The following CCDC125 variants were observed in gnomAD, a reference collection of about 807,000 sequenced individuals.
The protein encoded by CCDC125 is coiled-coil domain containing 125, also known as coiled-coil domain-containing protein 125.
Under a neutral mutation model 57.4 loss-of-function variants are expected in CCDC125, and 43 were observed. That is an observed-to-expected ratio of 0.75 (90% CI 0.59 to 0.97). CCDC125 has a LOEUF of 0.97. CCDC125 is among the 50% of genes least tolerant of loss of function. The pLI, the probability that CCDC125 is intolerant of heterozygous loss-of-function variation, is 0.00. For synonymous variants in CCDC125, 187 were observed against 195.2 expected, an observed-to-expected ratio of 0.96 and a Z score of 0.35; for missense variants, 563 against 595.7, an observed-to-expected ratio of 0.95 and a Z score of 0.57.
the CCDC125 span, among the ~76,000 whole-genome samples, chr5:69,274,011 T>C: frequency 6.6e-6 from 1 of 152,196 alleles, no homozygotes; most frequent in Non-Finnish European, 1.5e-5. Context: ...TATTTTTATG[T>C]CCATGTGTAC....
At chr5:69,317,111 T>G (rs1429596701) in intron 2 of CCDC125, among the ~76,000 whole-genome samples, 6 of 152,012 alleles carry the variant, frequency 3.9e-5, no homozygotes, top group Admixed American at 3.3e-4. Flanking sequence ...CAGGTTCAAG[T>G]GATTCTCCTG....
At chr5:69,278,865 A>ATT (rs35764556), downstream of CCDC125, among the ~76,000 whole-genome samples, 112 of 139,194 alleles carry the variant, frequency 8.0e-4, no homozygotes, top group South Asian at 9.3e-4. Flanking sequence ...TGCCTGGTTA[A>ATT]TTTTTTTTTT....
In CCDC125 at chr5:69,283,054, A is replaced by T. The variant is rs770477713; in HGVS notation, c.1231-20T>A. 1.2e-5 allele frequency: 19 copies of T among 1,553,288 alleles called. No homozygotes were observed. The highest frequency in any genetic ancestry group is 1.6e-5 in the Non-Finnish European group (19 of 1,153,784). On this transcript the variant is annotated intron_variant, in intron 11 of 11. Coordinates refer to ENST00000396496, the MANE Select transcript of CCDC125 (RefSeq NM_176816.5). ...ATTAAGCTGCATGCACAGAAATTAA[A>T]CATGTACAAGTTAGTCAATAAATCA...
At chr5:69,279,082 C>CA (rs985790683), downstream of CCDC125, among the ~76,000 whole-genome samples, 4 of 151,766 alleles carry the variant, frequency 2.6e-5, no homozygotes, top group Non-Finnish European at 5.9e-5. Context: ...GGCCATATAT[C>CA]TGGCTCAGCT....
At chr5:69,273,734 T>C in the CCDC125 span, among the ~76,000 whole-genome samples, 1 of 152,220 alleles carries the variant, frequency 6.6e-6, no homozygotes, top group Non-Finnish European at 1.5e-5. Flanking sequence ...CAGGTCTTTA[T>C]GGAAACATAT....
At chr5:69,297,310 G>C (rs1755517339) in intron 8 of CCDC125, among the ~76,000 whole-genome samples, 1 of 151,728 alleles carries the variant, frequency 6.6e-6, no homozygotes, top group Non-Finnish European at 1.5e-5. Flanking sequence ...CAAAGCGCTG[G>C]GATTATAGAT....
At chr5:69,275,888 G>T (rs1752079419), downstream of CCDC125, among the ~76,000 whole-genome samples, 1 of 151,994 alleles carries the variant, frequency 6.6e-6, no homozygotes, top group South Asian at 2.1e-4. Flanking sequence ...TTTAATCTTG[G>T]CTTCCATCCC....
Position 69,320,531 on chromosome 5 carries a change from C to A in CCDC125, c.10G>T (p.Val4Leu). 6.2e-7 allele frequency: 1 copy of A among 1,607,148 alleles called. No homozygotes were observed. Among genetic ancestry groups the A allele is most frequent in the Non-Finnish European group, 8.5e-7 (1 of 1,176,528 alleles). Residue 4 changes from valine to leucine, a missense_variant, in exon 2 of 12, where the codon GTG becomes TTG. Coordinates refer to ENST00000396496, the MANE Select transcript of CCDC125 (RefSeq NM_176816.5). ...TCTGACTCACTTGATGATCTTGCCA[C>A]CTTGCTCATGAGCCAAATGCCGTCT... MSK[V>L]ARSSSESDVQ...
At chr5:69,287,337 C>A (rs967120003) in intron 10 of CCDC125, among the ~76,000 whole-genome samples, 1 of 150,258 alleles carries the variant, frequency 6.7e-6, no homozygotes, top group African/African-American at 2.5e-5. Context: ...AATCTTGGCT[C>A]ACCACAACCT....
intron 11 of CCDC125, 71 bp from the exon 12 acceptor site, chr5:69,283,105 T>G: frequency 8.1e-7 from 1 of 1,234,478 alleles, no homozygotes; most frequent in Non-Finnish European, 1.1e-6. Context: ...GAAAGGAGTA[T>G]TGTACTATTT....
chr5:69,308,310 C>T (rs781243574), intron 4 of CCDC125: 65 of 417,596 alleles, frequency 1.6e-4, no homozygotes, highest in East Asian at 7.0e-4. Context: ...CCATCTGATA[C>T]GGTTTGGCTC....
chr5:69,294,865 G>A lies in CCDC125; in HGVS notation c.852C>T (p.Pro284=), dbSNP rs1283886810. Reference sequence around the variant, plus strand: ...TGGCACAAGAACAGGGGTTCCCTCCGGGCCCATGACAAAGGCAGGCTCCGA... The same window carrying A: ...TGGCACAAGAACAGGGGTTCCCTCCAGGCCCATGACAAAGGCAGGCTCCGA... The part of the protein sequence containing the change: ...AVLGACLCHG[P]GGNPCSCARM... The change falls in exon 9 of 12, where the codon CCC becomes CCT. Residue 284 remains proline (P), a synonymous_variant. Coordinates refer to ENST00000396496, the MANE Select transcript of CCDC125 (RefSeq NM_176816.5). 10 of 1,614,038 alleles carry A rather than the reference G, an allele frequency of 6.2e-6. No homozygotes were observed. The highest frequency in any genetic ancestry group is 4.5e-5 in the East Asian group (2 of 44,880).
chr5:69,278,028 A>G (rs941724695), downstream of CCDC125, among the ~76,000 whole-genome samples: 26 of 151,906 alleles, frequency 1.7e-4, no homozygotes, highest in Non-Finnish European at 3.8e-4. Context: ...ATGGGCACGC[A>G]CCACTACACC....
intron 1 of CCDC125, among the ~76,000 whole-genome samples, chr5:69,321,986 G>A (rs1178562404): frequency 6.6e-6 from 1 of 151,882 alleles, no homozygotes; most frequent in Non-Finnish European, 1.5e-5. Context: ...ACAACCATGC[G>A]CCACCATGCC....
At chr5:69,319,026 C>T (rs1759597954) in intron 2 of CCDC125, among the ~76,000 whole-genome samples, 1 of 151,706 alleles carries the variant, frequency 6.6e-6, no homozygotes, top group African/African-American at 2.4e-5. Flanking sequence ...CTCCCGGGTT[C>T]AAGCAATTCT....
At position 69,281,747 on chromosome 5, in the gene CCDC125, C is replaced by G. The variant is rs1179966967; in HGVS notation, c.*982G>C. On this transcript the variant is annotated 3_prime_UTR_variant, in exon 12 of 12. Coordinates refer to ENST00000396496, the MANE Select transcript of CCDC125 (RefSeq NM_176816.5). Reference sequence around the variant, plus strand: ...ATTCAGTCAGTCCTAGGTATTGTTACTTTTTAGAGCATTAAGATACATTGC... The same window carrying G: ...ATTCAGTCAGTCCTAGGTATTGTTAGTTTTTAGAGCATTAAGATACATTGC... 5 of 152,126 alleles carry G rather than the reference C, an allele frequency of 3.3e-5. No individual in the cohort carries two copies. The highest frequency in any genetic ancestry group is 7.4e-5 in the Non-Finnish European group (5 of 68,020). The allele number at this position is 152,126 out of a possible 1,614,324, so 9.4% of individuals were successfully genotyped here.
chr5:69,306,365 A>G (rs1669270022), intron 6 of CCDC125, among the ~76,000 whole-genome samples: 1 of 152,120 alleles, frequency 6.6e-6, no homozygotes, highest in African/African-American at 2.4e-5. Flanking sequence ...GACTCACTCT[A>G]TCATCCAGGC....
intron 1 of CCDC125, among the ~76,000 whole-genome samples, chr5:69,322,052 G>C (rs1304915528): frequency 6.6e-6 from 1 of 152,032 alleles, no homozygotes; most frequent in Non-Finnish European, 1.5e-5. Flanking sequence ...TGTTGGTCAA[G>C]CTGGTCTCGA....
downstream of CCDC125, among the ~76,000 whole-genome samples, chr5:69,279,835 A>G (rs545341159): frequency 5.6e-4 from 76 of 135,344 alleles, no homozygotes; most frequent in African/African-American, 2.0e-3. Flanking sequence ...ACTGCTATAA[A>G]GAATACTACC....
Sources: allele counts gnomAD v4.1 joint callset (sites outside exome capture counted in the v4.1 genomes callset), GRCh38; gene constraint gnomAD v4.1.1; transcripts MANE v1.5; gene names NCBI Gene and HGNC (gene_info 2026-07-23, HGNC 2026-07-21).